UGGT1: variants seen among roughly 807,000 people sequenced by gnomAD.
UGGT1 encodes the protein UDP-glucose:glycoprotein glucosyltransferase 1.
UGGT1 carries 107 observed loss-of-function variants against 203.9 expected under a neutral mutation model. That is an observed-to-expected ratio of 0.52 (90% CI 0.45 to 0.62). The LOEUF (loss-of-function observed/expected upper bound fraction) is 0.62. Ranked by LOEUF, UGGT1 falls within the 20% of genes least tolerant of loss-of-function variation. The pLI is 0.00. For synonymous variants in UGGT1, 628 were observed against 653.5 expected (o/e 0.96, Z 0.59); for missense variants, 1,673 against 1,867.2 (o/e 0.90, Z 1.92).
At chr2:128,107,867 C>G in intron 3 of UGGT1, 71 bp from the exon 4 acceptor site, 1 of 1,593,760 alleles carries the variant, frequency 6.3e-7, no homozygotes, top group African/African-American at 1.3e-5. Context: ...CAGCTTTGTG[C>G]TTCATGAACT....
chr2:128,121,405 CT>C (rs10636999), intron 10 of UGGT1, 107 bp downstream of exon 10: 12,926 of 446,438 alleles, frequency 0.029, no homozygotes, highest in South Asian at 0.05. Flanking sequence ...AATTAAGATT[CT>C]TTTTTTTTTT....
In UGGT1 at chr2:128,183,937, T is replaced by TGA. The variant is rs71396517; in HGVS notation, c.4359+171_4359+172dup. On this transcript the variant is annotated intron_variant, in intron 38 of 40. Transcript: ENST00000259253. ...GTGTGTGTGTGTGTGTGTGTGTGTG[T>TGA]GAGAGAGAGAGAGAGAGAGAGAGAT... 8.6e-3 allele frequency: 2,814 copies of TGA among 325,464 alleles called. 11 individuals carry two copies. The highest frequency in any genetic ancestry group is 0.013 in the African/African-American group (568 of 44,868). The allele number at this position is 325,464 out of a possible 1,614,324, so 20.2% of individuals were successfully genotyped here. A position where few individuals can be genotyped will look rare whatever the true frequency, so the allele number is the denominator to read the frequency against.
chr2:128,151,786 C>G (rs12471082), intron 18 of UGGT1, among the ~76,000 whole-genome samples: 87,229 of 151,850 alleles, frequency 0.57, 25,239 homozygotes, highest in East Asian at 0.66. Context: ...TAGGAAGATC[C>G]CTTGAGCCCT....
Position 128,175,300 on chromosome 2 carries a change from AT to A in UGGT1, c.3539+444del, listed in dbSNP as rs1202749957. ...TTGAAGCTGTGCTGTTAGTGCTGGT[AT>A]TCCTTGGTCTGTGGTGGCATAGTAA... is the stretch of plus-strand genomic sequence containing the variant. On this transcript the variant is annotated intron_variant, in intron 31 of 40. Coordinates refer to ENST00000259253, the MANE Select transcript of UGGT1 (RefSeq NM_020120.4). 5.3e-5 allele frequency among the ~76,000 whole-genome samples: 8 copies of A among 152,366 alleles called. No homozygotes were observed. The East Asian group carries it at 1.5e-3, about 29-fold the overall frequency.
At chr2:128,147,927 A>G (rs1236334267) in intron 18 of UGGT1, among the ~76,000 whole-genome samples, 2 of 152,066 alleles carry the variant, frequency 1.3e-5, no homozygotes, top group Admixed American at 1.3e-4. Context: ...ATATTTAATA[A>G]TTTTGTTTTT....
intron 35 of UGGT1, 41 bp from the exon 36 acceptor site, chr2:128,180,849 C>A: frequency 6.3e-7 from 1 of 1,577,836 alleles, no homozygotes. Flanking sequence ...TTTTCTTAAT[C>A]AGAAGAAATG....
intron 2 of UGGT1, among the ~76,000 whole-genome samples, chr2:128,098,430 A>G (rs895677403): frequency 5.3e-5 from 8 of 152,222 alleles, no homozygotes; most frequent in Admixed American, 1.3e-4. Context: ...TTAGGAGATT[A>G]TGCCCATGCA....
chr2:128,097,358 G>C, intron 1 of UGGT1, 71 bp from the exon 2 acceptor site: 1 of 1,535,998 alleles, frequency 6.5e-7, no homozygotes, highest in Non-Finnish European at 8.8e-7. Flanking sequence ...CTGGGCGACA[G>C]GGCGAGACTG....
At chr2:128,159,996 A>C (rs887568112) in intron 23 of UGGT1, among the ~76,000 whole-genome samples, 1 of 152,212 alleles carries the variant, frequency 6.6e-6, no homozygotes, top group African/African-American at 2.4e-5. Context: ...ATAGAGCAAA[A>C]AACGGAGATT....
At chr2:128,134,429 G>T (rs369253733) in intron 14 of UGGT1, among the ~76,000 whole-genome samples, 2 of 152,340 alleles carry the variant, frequency 1.3e-5, no homozygotes, top group East Asian at 3.9e-4. Flanking sequence ...TTAAGCGAGA[G>T]AATACGTCTA....
chr2:128,159,480 A>G (rs1213512078), intron 22 of UGGT1, 34 bp from the exon 23 acceptor site: 1 of 1,587,060 alleles, frequency 6.3e-7, no homozygotes, highest in Non-Finnish European at 8.7e-7. Context: ...AAAAATATCT[A>G]CAATATGACT....
chr2:128,128,562 T>G (rs1000773752), intron 12 of UGGT1, among the ~76,000 whole-genome samples: 4 of 152,296 alleles, frequency 2.6e-5, no homozygotes, highest in South Asian at 4.1e-4. Context: ...TCCGCCCGCC[T>G]TGGCCTCCCA....
At chr2:128,117,964 GTGTGTGTGTGTGTC>G (rs913300242) in intron 8 of UGGT1, among the ~76,000 whole-genome samples, 6 of 25,834 alleles carry the variant, frequency 2.3e-4, no homozygotes, top group East Asian at 2.1e-3. Flanking sequence ...GACATTTTGT[GTGTGTGTGTGTGTC>G]TGTGTGTGTG....
intron 18 of UGGT1, among the ~76,000 whole-genome samples, chr2:128,149,551 G>A (rs562724219): frequency 1.3e-5 from 2 of 151,216 alleles, no homozygotes; most frequent in South Asian, 4.2e-4. Flanking sequence ...GGATCATGAG[G>A]TCAGGAGATC....
intron 40 of UGGT1, among the ~76,000 whole-genome samples, chr2:128,187,937 T>A (rs542702463): frequency 6.6e-6 from 1 of 151,884 alleles, no homozygotes; most frequent in Non-Finnish European, 1.5e-5. Flanking sequence ...TCTTCTTAGA[T>A]TCCTTGTTTT....
chr2:128,123,005 T>TA lies in UGGT1; in HGVS notation c.1074-180dup, dbSNP rs1688452278. Among the ~76,000 whole-genome samples the TA allele has an allele frequency of 2.0e-5, 3 of 152,324 alleles. No individual in the cohort carries two copies. The South Asian group carries it at 6.2e-4, about 32-fold the overall frequency. On this transcript the variant is annotated intron_variant, in intron 10 of 40. Transcript: ENST00000259253. The stretch of plus-strand genomic sequence containing the variant: ...GCTACATTTCTTTGATTTTGTATCT[T>TA]ACAAAAAATATACACATCTGAGAAA...
Position 128,128,691 on chromosome 2 carries a change from T to C in UGGT1, c.1227-338T>C, listed in dbSNP as rs146416694. On this transcript the variant is annotated intron_variant, in intron 12 of 40. Transcript: ENST00000259253. The stretch of plus-strand genomic sequence containing the variant: ...TCTTTCAGGCTTTTTTCTGTGGTCA[T>C]ATGTTTGCCTCTGTGAATTGGTACT... Among the ~76,000 whole-genome samples, 671 of 152,356 alleles carry C rather than the reference T, an allele frequency of 4.4e-3. 1 individual carries two copies. The highest frequency in any genetic ancestry group is 0.015 in the African/African-American group (637 of 41,582).
At position 128,182,111 on chromosome 2, in the gene UGGT1, G is replaced by A; in HGVS notation, c.4084-19G>A. On this transcript the variant is annotated intron_variant, in intron 36 of 40. Transcript: ENST00000259253. ...CTGTCTGCATGGTTGCTTAACAAATGACTTTTTATATTCTCCAGATTGTAC... is the reference window on the plus strand; with the variant it reads ...CTGTCTGCATGGTTGCTTAACAAATAACTTTTTATATTCTCCAGATTGTAC... The A allele has an allele frequency of 2.5e-6, 4 of 1,610,618 alleles. No individual in the cohort carries two copies. The highest frequency in any genetic ancestry group is 3.4e-6 in the Non-Finnish European group (4 of 1,178,040).
chr2:128,183,935 TGTGAGAGA>T (rs1691842506), intron 38 of UGGT1, 146 bp downstream of exon 38: 2 of 518,492 alleles, frequency 3.9e-6, no homozygotes, highest in Non-Finnish European at 7.0e-6. Context: ...TGTGTGTGTG[TGTGAGAGA>T]GAGAGAGAGA....
Sources: gnomAD v4.1 joint callset for allele counts (sites outside exome capture counted in the v4.1 genomes callset) on GRCh38, gnomAD v4.1.1 for gene constraint, MANE v1.5 for transcripts, NCBI Gene and HGNC (gene_info 2026-07-23, HGNC 2026-07-21) for gene names.